ACO2: variants seen among roughly 807,000 people sequenced by gnomAD.
ACO2 encodes the protein aconitate hydratase, mitochondrial.
Under a neutral mutation model 84.5 loss-of-function variants are expected in ACO2, and 31 were observed. The observed-to-expected ratio is 0.37, with a 90% CI of 0.28 to 0.50. The LOEUF (loss-of-function observed/expected upper bound fraction) is 0.50, where lower values mean the gene tolerates loss of function less well. Among genes scored for constraint, ACO2 ranks in the 20% least tolerant of loss-of-function variants. ACO2 has a pLI of 0.97. For missense variants in ACO2, 685 were observed against 1,029.3 expected (o/e 0.67, Z 4.58); for synonymous variants, 414 against 412.7 (o/e 1.00, Z -0.04).
intron 1 of ACO2, among the ~76,000 whole-genome samples, chr22:41,491,769 A>C (rs2066273339): frequency 6.6e-6 from 1 of 152,230 alleles, no homozygotes; most frequent in Non-Finnish European, 1.5e-5. Flanking sequence ...TTTCATTTTT[A>C]TCAATGCTGT....
Position 41,526,470 on chromosome 22 carries a change from A to G in ACO2, c.1953+17A>G. 1.2e-6 allele frequency: 2 copies of G among 1,604,962 alleles called. No homozygotes were observed. The highest frequency in any genetic ancestry group is 1.7e-6 in the Non-Finnish European group (2 of 1,174,030). ...TACTACAAGGTGGGTCAGAGTTGAT[A>G]GGGGCAATGCCAGTGGTCACTCCTG... On this transcript the variant is annotated intron_variant, in intron 15 of 17. Transcript: ENST00000216254.
intron 8 of ACO2, among the ~76,000 whole-genome samples, chr22:41,519,030 A>G (rs2066498558): frequency 6.6e-6 from 1 of 152,128 alleles, no homozygotes; most frequent in South Asian, 2.1e-4. Flanking sequence ...AGCAGCCTGG[A>G]GCAGTGGGTG....
intron 1 of ACO2, among the ~76,000 whole-genome samples, chr22:41,480,017 C>G (rs1486508027): frequency 1.3e-5 from 2 of 152,196 alleles, no homozygotes; most frequent in African/African-American, 4.8e-5. Context: ...CACTTTTGTT[C>G]CTGCCAGTTG....
At chr22:41,503,884 C>T (rs960137232) in intron 2 of ACO2, among the ~76,000 whole-genome samples, 1 of 152,070 alleles carries the variant, frequency 6.6e-6, no homozygotes, top group Non-Finnish European at 1.5e-5. Flanking sequence ...AACCCTGACA[C>T]GGAGAAAGAG....
chr22:41,515,910 C>G lies in ACO2; in HGVS notation c.828C>G (p.Ser276=). The part of the protein sequence containing the change: ...EYHGPGVDSI[S]CTGMATICNM... ...ACGGGCCTGGTGTAGACTCCATCTC[C>G]TGCACTGGTGAGGAAGGCGGCCAGG... The change falls in exon 6 of 18, where the codon TCC becomes TCG. Residue 276 remains serine (S), a synonymous_variant. Coordinates refer to ENST00000216254, the MANE Select transcript of ACO2 (RefSeq NM_001098.3). The surrounding 1 kb of genome is among the most constrained non-coding windows in gnomAD (Gnocchi z 5.8). 1 of 1,613,868 alleles carries G rather than the reference C, an allele frequency of 6.2e-7. No individual in the cohort carries two copies. Among genetic ancestry groups the G allele is most frequent in the Non-Finnish European group, 8.5e-7 (1 of 1,179,852 alleles).
intron 15 of ACO2, 120 bp from the exon 16 acceptor site, chr22:41,527,168 C>T (rs1221554955): frequency 1.3e-6 from 2 of 1,489,220 alleles, no homozygotes; most frequent in Non-Finnish European, 1.8e-6. Flanking sequence ...CCCTCCAGCC[C>T]CTTTACCGGG....
At chr22:41,475,515 C>A (rs376264308) in intron 1 of ACO2, among the ~76,000 whole-genome samples, 43 of 152,104 alleles carry the variant, frequency 2.8e-4, no homozygotes, top group Middle Eastern at 3.4e-3. Flanking sequence ...TTTCCCAGCA[C>A]CTGGTTTGGA....
At chr22:41,524,165 T>G (rs2066554072) in intron 12 of ACO2, among the ~76,000 whole-genome samples, 1 of 152,206 alleles carries the variant, frequency 6.6e-6, no homozygotes, top group Admixed American at 6.5e-5. Flanking sequence ...GAGCATGGAA[T>G]TTGGAATCTC....
At chr22:41,512,174 T>C (rs545350672) in intron 4 of ACO2, 384 of 492,510 alleles carry the variant, frequency 7.8e-4, no homozygotes, top group Non-Finnish European at 1.1e-3. Flanking sequence ...GAAGTTAAAA[T>C]AATACCTCCT....
chr22:41,486,317 G>A (rs988762445), intron 1 of ACO2, among the ~76,000 whole-genome samples: 2 of 151,696 alleles, frequency 1.3e-5, no homozygotes, highest in Admixed American at 6.6e-5. Context: ...TTTTTGAGAC[G>A]GAGTCTCGCT....
At chr22:41,521,058 AAG>A (rs1320651929) in intron 9 of ACO2, among the ~76,000 whole-genome samples, 3 of 150,320 alleles carry the variant, frequency 2.0e-5, no homozygotes, top group African/African-American at 7.3e-5. Flanking sequence ...AAAAAAAAAA[AAG>A]AAAGAAAAGA....
At position 41,523,846 on chromosome 22, in the gene ACO2, G is replaced by C. The variant is rs2006715; in HGVS notation, c.1387G>C (p.Gly463Arg). Residue 463 changes from glycine to arginine, a missense_variant, in exon 12 of 18, where the codon GGG becomes CGG. Gly to Arg is a moderately radical substitution (Grantham distance 125). Coordinates refer to ENST00000216254, the MANE Select transcript of ACO2 (RefSeq NM_001098.3). The part of the protein sequence containing the change: ...GQWDRKDIKK[G>R]EKNTIVTSYN... ...ACCTGGCAGGAAGGACATCAAGAAG[G>C]GGGAGAAGAACACAATCGTCACCTC... The C allele has an allele frequency of 8.7e-6, 14 of 1,612,042 alleles. No homozygotes were observed. The highest frequency in any genetic ancestry group is 2.7e-5 in the African/African-American group (2 of 74,854).
At chr22:41,525,073 A>G (rs1022518820) in intron 13 of ACO2, 105 bp downstream of exon 13, 1 of 1,602,516 alleles carries the variant, frequency 6.2e-7, no homozygotes, top group Non-Finnish European at 8.5e-7. Flanking sequence ...TGCTAGTGAG[A>G]AGGAAGCAGC....
At chr22:41,494,138 A>G (rs1394722777) in intron 1 of ACO2, among the ~76,000 whole-genome samples, 1 of 152,230 alleles carries the variant, frequency 6.6e-6, no homozygotes, top group East Asian at 1.9e-4. Context: ...ATTAAGGGTG[A>G]AATGTGTAGC....
chr22:41,515,461 A>C lies in ACO2; in HGVS notation c.610A>C (p.Ile204Leu), dbSNP rs774011999. 1.9e-5 allele frequency: 30 copies of C among 1,613,714 alleles called. No homozygotes were observed. The highest frequency in any genetic ancestry group is 2.5e-5 in the Non-Finnish European group (29 of 1,179,946). ...HTPNGGGLGG[I>L]CIGVGGADAV... ...CCCCAATGGTGGCGGCCTTGGGGGC[A>C]TCTGCATTGGAGTTGGGGGTGCCGA... The change falls in exon 5 of 18, where the codon ATC becomes CTC. Residue 204 changes from isoleucine to leucine, a missense_variant. Around this residue, in one of 5 missense-constraint regions of ACO2, gnomAD observed 92 missense variants for 203.7 expected, o/e 0.45. Transcript: ENST00000216254. This position sits in a 1 kb window ranked among gnomAD's most constrained non-coding sequence, Gnocchi z 5.8.
chr22:41,496,297 G>A (rs970483011), intron 1 of ACO2, among the ~76,000 whole-genome samples: 5 of 152,064 alleles, frequency 3.3e-5, no homozygotes, highest in African/African-American at 1.2e-4. Flanking sequence ...CCTGGGCGAT[G>A]AGAGCAAGAC....
chr22:41,525,127 T>C, intron 13 of ACO2, 66 bp from the exon 14 acceptor site: 1 of 1,597,912 alleles, frequency 6.3e-7, no homozygotes, highest in Non-Finnish European at 8.6e-7. Context: ...AAACTTGCCT[T>C]CTGAGAGTCT....
chr22:41,478,690 G>C (rs2038049020), intron 1 of ACO2, among the ~76,000 whole-genome samples: 1 of 151,952 alleles, frequency 6.6e-6, no homozygotes, highest in Non-Finnish European at 1.5e-5. Context: ...TAATTCTGTG[G>C]GCATTTGTGG....
chr22:41,518,397 G>A, intron 7 of ACO2, 84 bp from the exon 8 acceptor site: 1 of 1,036,850 alleles, frequency 9.6e-7, no homozygotes, highest in East Asian at 2.4e-5. Context: ...CTGGTGTTTG[G>A]CAGGTGCTCA....
Sources: allele counts gnomAD v4.1 joint callset (sites outside exome capture counted in the v4.1 genomes callset), GRCh38; gene constraint gnomAD v4.1.1; regional missense constraint gnomAD v4.1.1; non-coding constraint Gnocchi (gnomAD v3.1); transcripts MANE v1.5; gene names NCBI Gene and HGNC (gene_info 2026-07-23, HGNC 2026-07-21).